Variants in IGF2 observed in about 807,000 individuals in gnomAD.
The protein encoded by IGF2 is insulin-like growth factor 2.
Under a neutral mutation model 12.0 loss-of-function variants are expected in IGF2, and 2 were observed. The observed-to-expected ratio is 0.17, with a 90% CI of 0.07 to 0.52. The LOEUF is 0.52. Among genes scored for constraint, IGF2 ranks in the 20% least tolerant of loss-of-function variants. The pLI is 0.95. For missense variants in IGF2, 211 were observed against 268.0 expected (o/e 0.79, Z 1.48); for synonymous variants, 105 against 110.1 (o/e 0.95, Z 0.29).
In IGF2 at chr11:2,132,935, G is replaced by T; in HGVS notation, c.*52C>A. ...AACCTGATGGAAACGTCCGTGGTCA[G>T]GAGGAGGCTGCAGGATGGTGGCGCC... On this transcript the variant is annotated 3_prime_UTR_variant, in exon 4 of 4. Transcript: ENST00000416167. 8.1e-7 allele frequency: 1 copy of T among 1,237,956 alleles called. No homozygotes were observed. Among genetic ancestry groups the T allele is most frequent in the Non-Finnish European group, 1.1e-6 (1 of 892,780 alleles). The allele number at this position is 1,237,956 out of a possible 1,614,324, so 76.7% of individuals were successfully genotyped here.
chr11:2,141,514 A>G (rs963003523), upstream of IGF2, among the ~76,000 whole-genome samples: 12 of 152,342 alleles, frequency 7.9e-5, no homozygotes, highest in South Asian at 6.2e-4. Flanking sequence ...GAGGAGGGGT[A>G]GTTAAAGAAA....
chr11:2,145,475 G>T (rs1451888401), upstream of IGF2, among the ~76,000 whole-genome samples: 3 of 152,240 alleles, frequency 2.0e-5, no homozygotes, highest in African/African-American at 7.2e-5. Context: ...TCGGGGGTGA[G>T]CCCCAGTTCC....
rs573936129 is a variant in IGF2, at chr11:2,130,533, G to T, written c.*2454C>A. 1.9e-4 allele frequency: 42 copies of T among 220,272 alleles called. No individual in the cohort carries two copies. The highest frequency in any genetic ancestry group is 2.9e-3 in the Middle Eastern group (2 of 700). 13.6% of individuals were successfully genotyped at this position (220,272 alleles called of 1,614,324 possible). A position where few individuals can be genotyped will look rare whatever the true frequency, so the allele number is the denominator to read the frequency against. Reference sequence around the variant, plus strand: ...GTCACTGCCCCCCTGTTACATGGGGGGGGGGTTTAATTTGGTTTCTGAGCG... The same window carrying T: ...GTCACTGCCCCCCTGTTACATGGGGTGGGGGTTTAATTTGGTTTCTGAGCG... On this transcript the variant is annotated 3_prime_UTR_variant, in exon 4 of 4. Transcript: ENST00000416167.
chr11:2,133,258 C>A lies in IGF2; in HGVS notation c.307-35G>T. On this transcript the variant is annotated intron_variant, in intron 3 of 3. Transcript: ENST00000416167. The surrounding 1 kb of genome is among the most constrained non-coding windows in gnomAD (Gnocchi z 8.9). ...GAAGGGGCTGGTCAGCAGGTGCCTG[C>A]TCTCCACGCTCTTCCGCCTGAGCCG... is the stretch of plus-strand genomic sequence containing the variant. The A allele has an allele frequency of 7.2e-7, 1 of 1,386,628 alleles. No homozygotes were observed. The highest frequency in any genetic ancestry group is 9.8e-7 in the Non-Finnish European group (1 of 1,017,978). 85.9% of individuals were successfully genotyped at this position (1,386,628 alleles called of 1,614,324 possible). A position where few individuals can be genotyped will look rare whatever the true frequency, so the allele number is the denominator to read the frequency against.
At chr11:2,146,096 C>T (rs1157413227), upstream of IGF2, 2 of 428,024 alleles carry the variant, frequency 4.7e-6, no homozygotes, top group Non-Finnish European at 9.3e-6. Context: ...CTGGCAAACC[C>T]ACATTCCACA....
At chr11:2,140,393 T>G, upstream of IGF2, 1 of 1,223,628 alleles carries the variant, frequency 8.2e-7, no homozygotes, top group Non-Finnish European at 1.1e-6. Flanking sequence ...CCCCGCCGCC[T>G]AAGCCTAGCC....
Position 2,132,958 on chromosome 11 carries a change from G to C in IGF2, c.*29C>G, listed in dbSNP as rs2230949. On this transcript the variant is annotated 3_prime_UTR_variant, in exon 4 of 4. Coordinates refer to ENST00000416167, the MANE Select transcript of IGF2 (RefSeq NM_000612.6). ...CAGGAGGAGGCTGCAGGATGGTGGC[G>C]CCGGGCTGCAGACTTGCGGCAGTTT... 7.1e-7 allele frequency: 1 copy of C among 1,410,084 alleles called. No homozygotes were observed. Among genetic ancestry groups the C allele is most frequent in the South Asian group, 1.4e-5 (1 of 71,404 alleles). The allele number at this position is 1,410,084 out of a possible 1,614,324, so 87.3% of individuals were successfully genotyped here.
chr11:2,132,220 C>T lies in IGF2; in HGVS notation c.*767G>A. The T allele has an allele frequency of 4.9e-6, 1 of 205,158 alleles. No individual in the cohort carries two copies. Among genetic ancestry groups the T allele is most frequent in the Non-Finnish European group, 1.0e-5 (1 of 100,268 alleles). The allele number at this position is 205,158 out of a possible 1,614,324, so 12.7% of individuals were successfully genotyped here. ...ATTTGCATGGATTTTGGTTTTCATG[C>T]TCTGTCCTCCCCTCCTTTGGTCTTA... On this transcript the variant is annotated 3_prime_UTR_variant, in exon 4 of 4. Transcript: ENST00000416167.
chr11:2,139,345 G>C lies in IGF2; in HGVS notation c.-1123C>G, dbSNP rs1209105199. 1 of 147,260 alleles carries C rather than the reference G, an allele frequency of 6.8e-6. No homozygotes were observed. The highest frequency in any genetic ancestry group is 2.1e-4 in the South Asian group (1 of 4,828). The allele number at this position is 147,260 out of a possible 1,614,324, so 9.1% of individuals were successfully genotyped here. ...GAGGCGGGGGCGGCCGGAAGGGGGG[G>C]GCCGGGGCCGGCCGGGCCTCACGCA... On this transcript the variant is annotated 5_prime_UTR_variant, in exon 1 of 4. Transcript: ENST00000416167.
intron 1 of IGF2, chr11:2,137,307 C>CA: frequency 1.0e-6 from 1 of 979,248 alleles, no homozygotes; most frequent in Admixed American, 6.1e-5. Context: ...GTCAGTGCCT[C>CA]AGCTTTTATG....
the IGF2 span, chr11:2,146,465 G>A: frequency 1.9e-6 from 1 of 521,398 alleles, no homozygotes; most frequent in Admixed American, 2.0e-5. Flanking sequence ...GACCCGAACT[G>A]CAACCCTCCA....
At position 2,129,555 on chromosome 11, in the gene IGF2, T is replaced by C. The variant is rs1858393318; in HGVS notation, c.*3432A>G. On this transcript the variant is annotated 3_prime_UTR_variant, in exon 4 of 4. Transcript: ENST00000416167. The surrounding 1 kb of genome is among the most constrained non-coding windows in gnomAD (Gnocchi z 8.1). ...GGTGTCCTGACGAATGGGCAGGTAA[T>C]TTGGGGTGCCTCGAAGCGTTTTGGA... 4.4e-6 allele frequency: 1 copy of C among 227,462 alleles called. No individual in the cohort carries two copies. Among genetic ancestry groups the C allele is most frequent in the Non-Finnish European group, 8.7e-6 (1 of 114,322 alleles). 14.1% of individuals were successfully genotyped at this position (227,462 alleles called of 1,614,324 possible).
At chr11:2,146,664 CT>C in the IGF2 span, 1 of 298,516 alleles carries the variant, frequency 3.3e-6, no homozygotes, top group African/African-American at 2.2e-5. Context: ...GTAAAGACAC[CT>C]TTGAAAGAAC....
chr11:2,138,249 C>T lies in IGF2; in HGVS notation c.-27G>A. The T allele has an allele frequency of 2.0e-6, 2 of 985,284 alleles. No individual in the cohort carries two copies. Among genetic ancestry groups the T allele is most frequent in the South Asian group, 4.7e-5 (1 of 21,440 alleles). 61.0% of individuals were successfully genotyped at this position (985,284 alleles called of 1,614,324 possible). A position where few individuals can be genotyped will look rare whatever the true frequency, so the allele number is the denominator to read the frequency against. ...CTTACCTGGAAGCCGGCGACGCTGCCGCCCACCTCCCTGCTGCGTGTCGCA... is the reference window on the plus strand; with the variant it reads ...CTTACCTGGAAGCCGGCGACGCTGCTGCCCACCTCCCTGCTGCGTGTCGCA... On this transcript the variant is annotated 5_prime_UTR_variant, in exon 1 of 4. Coordinates refer to ENST00000416167, the MANE Select transcript of IGF2 (RefSeq NM_000612.6).
At position 2,138,792 on chromosome 11, in the gene IGF2, G is replaced by C. The variant is rs1184882746; in HGVS notation, c.-570C>G. Reference sequence around the variant, plus strand: ...GGAGAAAGAGCGGGGGCCGGGGCCAGACGCCAAGAGGGGCGCGGGGAGCAC... The same window carrying C: ...GGAGAAAGAGCGGGGGCCGGGGCCACACGCCAAGAGGGGCGCGGGGAGCAC... On this transcript the variant is annotated 5_prime_UTR_variant, in exon 1 of 4. Coordinates refer to ENST00000416167, the MANE Select transcript of IGF2 (RefSeq NM_000612.6). 4.1e-5 allele frequency: 39 copies of C among 951,644 alleles called. No individual in the cohort carries two copies. Among genetic ancestry groups the C allele is most frequent in the Non-Finnish European group, 4.9e-5 (39 of 800,644 alleles). 59.0% of individuals were successfully genotyped at this position (951,644 alleles called of 1,614,324 possible). A position where few individuals can be genotyped will look rare whatever the true frequency, so the allele number is the denominator to read the frequency against.
chr11:2,147,545 C>CA, the IGF2 span: 1 of 1,096,320 alleles, frequency 9.1e-7, no homozygotes, highest in Non-Finnish European at 1.2e-6. The surrounding 1 kb of genome is among the most constrained non-coding windows in gnomAD (Gnocchi z 7.2). Flanking sequence ...TGCCAGGCCT[C>CA]AGGGTGCCTG....
upstream of IGF2, chr11:2,140,168 T>G: frequency 3.7e-6 from 6 of 1,613,286 alleles, 1 homozygote; most frequent in South Asian, 6.6e-5. Context: ...TGCGTCTAAG[T>G]AGCTCGCCTT....
At chr11:2,134,541 T>C (rs1252609154) in intron 2 of IGF2, among the ~76,000 whole-genome samples, 7 of 152,252 alleles carry the variant, frequency 4.6e-5, no homozygotes, top group African/African-American at 1.7e-4. Flanking sequence ...GAAGTGCATT[T>C]GCATCCTGTG....
the IGF2 span, chr11:2,149,219 TGCCTGGACGATGATCCGCCG>T: frequency 5.0e-6 from 8 of 1,613,444 alleles, no homozygotes; most frequent in Non-Finnish European, 6.8e-6. Context: ...CTGCCGAAAC[TGCCTGGACGATGATCCGCCG>T]GCCTGGCCAA....
Sources: allele counts gnomAD v4.1 joint callset (sites outside exome capture counted in the v4.1 genomes callset), GRCh38; gene constraint gnomAD v4.1.1; non-coding constraint Gnocchi (gnomAD v3.1); transcripts MANE v1.5; gene names NCBI Gene and HGNC (gene_info 2026-07-23, HGNC 2026-07-21).